The following IL18 variants were observed in gnomAD, a reference collection of about 807,000 sequenced individuals.
IL18 encodes interleukin 18, also known as interleukin-18.
IL18 carries 8 observed loss-of-function variants against 14.2 expected under a neutral mutation model. That is an observed-to-expected ratio of 0.56 (90% CI 0.33 to 1.01). The LOEUF (loss-of-function observed/expected upper bound fraction) is 1.01, where lower values mean the gene tolerates loss of function less well. IL18 is among the 50% of genes least tolerant of loss of function. IL18 has a pLI of 0.03. For missense variants in IL18, 166 were observed against 231.1 expected, an observed-to-expected ratio of 0.72 and a Z score of 1.83; for synonymous variants, 67 against 71.0, an observed-to-expected ratio of 0.94 and a Z score of 0.28.
At chr11:112,153,750 G>A in intron 2 of IL18, 147 bp from the exon 3 acceptor site, 1 of 494,424 alleles carries the variant, frequency 2.0e-6, no homozygotes, top group Non-Finnish European at 3.7e-6. Context: ...GCTTTCATCA[G>A]AATATTATAT....
At chr11:112,159,577 G>T (rs1472393365) in intron 1 of IL18, among the ~76,000 whole-genome samples, 1 of 152,138 alleles carries the variant, frequency 6.6e-6, no homozygotes, top group Non-Finnish European at 1.5e-5. Context: ...TTGTTGAGTG[G>T]TTACCTCATT....
rs760069850 is a variant in IL18 at position 112,143,832 on chromosome 11, AC to A, written c.361-16del. ...GGATTCATTTCCTATAGAGAAAAAA[AC>A]ATTACCTAATTATTTCAGGACATGA... is the stretch of plus-strand genomic sequence containing the variant. On this transcript the variant is annotated splice_polypyrimidine_tract_variant and intron_variant, in intron 5 of 5. Coordinates refer to ENST00000280357, the MANE Select transcript of IL18 (RefSeq NM_001562.4). 7 of 1,450,340 alleles carry A rather than the reference AC, an allele frequency of 4.8e-6. No homozygotes were observed. The highest frequency in any genetic ancestry group is 3.7e-5 in the Admixed American group (2 of 54,488). The allele number at this position is 1,450,340 out of a possible 1,614,324, so 89.8% of individuals were successfully genotyped here.
chr11:112,148,739 G>A lies in IL18; in HGVS notation c.227-3C>T. 7.1e-7 allele frequency: 1 copy of A among 1,401,712 alleles called. No homozygotes were observed. Among genetic ancestry groups the A allele is most frequent in the South Asian group, 1.6e-5 (1 of 63,126 alleles). The allele number at this position is 1,401,712 out of a possible 1,614,324, so 86.8% of individuals were successfully genotyped here. A position where few individuals can be genotyped will look rare whatever the true frequency, so the allele number is the denominator to read the frequency against. ...AAATATGGTCCGGGGTGCATTATCT[G>A]AAATAAATATAATAAATGAGAACTC... On this transcript the variant is annotated splice_polypyrimidine_tract_variant and splice_region_variant and intron_variant, in intron 4 of 5. Transcript: ENST00000280357.
intron 3 of IL18, among the ~76,000 whole-genome samples, chr11:112,151,354 T>C (rs1866436125): frequency 6.6e-6 from 1 of 152,184 alleles, no homozygotes; most frequent in African/African-American, 2.4e-5. Context: ...TGTGTCTGTA[T>C]ATATACATAG....
At chr11:112,153,510 TCCTCAGCTGA>T in intron 3 of IL18, 72 bp downstream of exon 3, 1 of 927,874 alleles carries the variant, frequency 1.1e-6, no homozygotes, top group Admixed American at 3.0e-5. Context: ...TTTTTTTTTT[TCCTCAGCTGA>T]CAATGGTGAG....
chr11:112,145,426 G>A (rs1442314925), intron 5 of IL18, among the ~76,000 whole-genome samples: 1 of 152,168 alleles, frequency 6.6e-6, no homozygotes, highest in African/African-American at 2.4e-5. Context: ...ACATTACAGG[G>A]GAAGATGAAC....
At chr11:112,145,008 A>G (rs555698681) in intron 5 of IL18, among the ~76,000 whole-genome samples, 1 of 152,340 alleles carries the variant, frequency 6.6e-6, no homozygotes, top group South Asian at 2.1e-4. Context: ...TTCCATGTTA[A>G]TCCTGGAACC....
intron 1 of IL18, among the ~76,000 whole-genome samples, chr11:112,161,075 C>CA (rs34546088): frequency 0.17 from 24,383 of 147,548 alleles, 2,584 homozygotes; most frequent in Non-Finnish European, 0.25. Flanking sequence ...AGACTACTGA[C>CA]TTTTTTTTTT....
chr11:112,149,643 A>G (rs1217031200), intron 4 of IL18, among the ~76,000 whole-genome samples: 1 of 145,412 alleles, frequency 6.9e-6, no homozygotes, highest in Non-Finnish European at 1.5e-5. Flanking sequence ...ATTCACAGGT[A>G]CGATCACAGT....
chr11:112,149,053 G>A (rs1047364179), intron 4 of IL18, among the ~76,000 whole-genome samples: 1 of 152,048 alleles, frequency 6.6e-6, no homozygotes, highest in Non-Finnish European at 1.5e-5. Flanking sequence ...TTGTTTGGGA[G>A]GCTGAGGCAG....
intron 1 of IL18, among the ~76,000 whole-genome samples, chr11:112,160,059 C>T (rs996651826): frequency 3.3e-5 from 5 of 152,138 alleles, no homozygotes; most frequent in African/African-American, 1.2e-4. Context: ...CAAACTGAAA[C>T]CTGGGAGTCA....
chr11:112,148,875 C>T (rs1866386159), intron 4 of IL18, 139 bp from the exon 5 acceptor site: 2 of 448,540 alleles, frequency 4.5e-6, no homozygotes, highest in African/African-American at 2.0e-5. Context: ...AGACTATGTA[C>T]AGCTGGTCAG....
At chr11:112,151,656 T>C (rs1866440883) in intron 3 of IL18, among the ~76,000 whole-genome samples, 2 of 152,336 alleles carry the variant, frequency 1.3e-5, no homozygotes, top group African/African-American at 2.4e-5. Context: ...GTTTCACTCA[T>C]TGCAATCTGC....
chr11:112,158,684 G>A (rs1399660121), intron 1 of IL18, among the ~76,000 whole-genome samples: 2 of 152,024 alleles, frequency 1.3e-5, no homozygotes, highest in Non-Finnish European at 2.9e-5. Flanking sequence ...TAATGACATG[G>A]AAGCAGATAA....
At chr11:112,155,084 T>G in intron 1 of IL18, 23 bp from the exon 2 acceptor site, 2 of 1,469,224 alleles carry the variant, frequency 1.4e-6, no homozygotes, top group Non-Finnish European at 1.9e-6. Flanking sequence ...AAGAGCCATC[T>G]GTTAAGAGAC....
At chr11:112,160,460 G>C (rs1266949031) in intron 1 of IL18, among the ~76,000 whole-genome samples, 1 of 151,898 alleles carries the variant, frequency 6.6e-6, no homozygotes, top group Admixed American at 6.6e-5. Context: ...ACCTGTTCAT[G>C]CTTCTTAAAT....
At position 112,164,039 on chromosome 11, in the gene IL18, TG is replaced by T; in HGVS notation, c.-143del. 6.6e-6 allele frequency: 1 copy of T among 152,464 alleles called. No individual in the cohort carries two copies. Among genetic ancestry groups the T allele is most frequent in the Admixed American group, 6.5e-5 (1 of 15,292 alleles). 9.4% of individuals were successfully genotyped at this position (152,464 alleles called of 1,614,324 possible). On this transcript the variant is annotated 5_prime_UTR_variant, in exon 1 of 6. Transcript: ENST00000280357. Reference sequence around the variant, plus strand: ...AGAGTTGGCAGCCAGGAGGGCAAAATGCACTGGGAGACAATTCCTTGCTGAC... The same window carrying T: ...AGAGTTGGCAGCCAGGAGGGCAAAATCACTGGGAGACAATTCCTTGCTGAC...
In IL18 at chr11:112,143,684, T is replaced by C; in HGVS notation, c.494A>G (p.Lys165Arg). 6.2e-7 allele frequency: 1 copy of C among 1,613,160 alleles called. No individual in the cohort carries two copies. The highest frequency in any genetic ancestry group is 8.5e-7 in the Non-Finnish European group (1 of 1,179,254). The change falls in exon 6 of 6, where the codon AAA becomes AGA. Residue 165 changes from lysine to arginine, a missense_variant. Coordinates refer to ENST00000280357, the MANE Select transcript of IL18 (RefSeq NM_001562.4). The part of the protein sequence containing the change: ...SYEGYFLACE[K>R]ERDLFKLILK... Reference sequence around the variant, plus strand: ...AATGAGTTTAAAAAGGTCTCTCTCTTTTTCACAAGCTAGAAAGTATCCTTC... The same window carrying C: ...AATGAGTTTAAAAAGGTCTCTCTCTCTTTCACAAGCTAGAAAGTATCCTTC...
chr11:112,153,730 G>T (rs541504374), intron 2 of IL18, 127 bp from the exon 3 acceptor site: 2 of 588,490 alleles, frequency 3.4e-6, no homozygotes, highest in South Asian at 5.5e-5. Flanking sequence ...TGGTTTAAGG[G>T]TCTGTCTTGG....
Sources: gnomAD v4.1 joint callset for allele counts (sites outside exome capture counted in the v4.1 genomes callset) on GRCh38, gnomAD v4.1.1 for gene constraint, MANE v1.5 for transcripts, NCBI Gene and HGNC (gene_info 2026-07-23, HGNC 2026-07-21) for gene names.